The following EPC1 variants were observed in gnomAD, a reference collection of about 807,000 sequenced individuals.
EPC1 encodes enhancer of polycomb 1.
EPC1 carries 12 observed loss-of-function variants against 98.4 expected under a neutral mutation model. The ratio of observed to expected loss-of-function variants is 0.12; its 90% CI spans 0.08 to 0.20. EPC1 has a LOEUF of 0.20. Among genes scored for constraint, EPC1 ranks in the 10% least tolerant of loss-of-function variants. The probability of loss-of-function intolerance (pLI) is 1.00; values close to 1 mark genes in which losing one functional copy is unlikely to be tolerated. For synonymous variants in EPC1, 357 were observed against 363.9 expected, an observed-to-expected ratio of 0.98 and a Z score of 0.21; for missense variants, 729 against 990.5, an observed-to-expected ratio of 0.74 and a Z score of 3.54.
At chr10:32,290,997 G>A (rs916057866) in intron 6 of EPC1, among the ~76,000 whole-genome samples, 166 bp downstream of exon 6, 1 of 151,986 alleles carries the variant, frequency 6.6e-6, no homozygotes, top group African/African-American at 2.4e-5. Context: ...GGCTGGTCCC[G>A]AACTCCTGAC....
intron 1 of EPC1, among the ~76,000 whole-genome samples, chr10:32,340,954 A>T (rs1489295055): frequency 6.6e-6 from 1 of 152,208 alleles, no homozygotes; most frequent in Non-Finnish European, 1.5e-5. Context: ...GTCACACTTC[A>T]GTGTTCCAAA....
intron 1 of EPC1, among the ~76,000 whole-genome samples, chr10:32,339,548 GTAATAA>G (rs201176757): frequency 6.6e-5 from 10 of 151,900 alleles, no homozygotes; most frequent in Admixed American, 2.0e-4. Context: ...TCTCTCAATA[GTAATAA>G]TAATAATAAC....
At chr10:32,328,406 A>G (rs1411903492) in intron 1 of EPC1, among the ~76,000 whole-genome samples, 1 of 152,228 alleles carries the variant, frequency 6.6e-6, no homozygotes, top group Non-Finnish European at 1.5e-5. Context: ...TTTTAGACAC[A>G]TTACAAGCTT....
At chr10:32,375,860 A>G (rs958473176) in intron 1 of EPC1, among the ~76,000 whole-genome samples, 1 of 152,040 alleles carries the variant, frequency 6.6e-6, no homozygotes, top group African/African-American at 2.4e-5. Context: ...TTAGTTCTCT[A>G]TCTGCTAAAT....
At chr10:32,316,176 C>T (rs2132875877) in intron 1 of EPC1, among the ~76,000 whole-genome samples, 1 of 152,232 alleles carries the variant, frequency 6.6e-6, no homozygotes, top group African/African-American at 2.4e-5. Context: ...AGCAGAATGG[C>T]TAAAATAGAA....
At chr10:32,324,347 G>A (rs1374941187) in intron 1 of EPC1, among the ~76,000 whole-genome samples, 1 of 151,186 alleles carries the variant, frequency 6.6e-6, no homozygotes, top group Non-Finnish European at 1.5e-5. Context: ...CCTGAGGTCA[G>A]GAGTTCCAGA....
At chr10:32,344,475 T>C (rs1031343750) in intron 1 of EPC1, among the ~76,000 whole-genome samples, 3 of 152,170 alleles carry the variant, frequency 2.0e-5, no homozygotes, top group East Asian at 1.9e-4. Flanking sequence ...AAACTATTGA[T>C]AGCCACTGCA....
At chr10:32,361,655 T>A (rs1208197470) in intron 1 of EPC1, among the ~76,000 whole-genome samples, 5 of 152,224 alleles carry the variant, frequency 3.3e-5, no homozygotes, top group African/African-American at 1.2e-4. Flanking sequence ...TTCATCTATG[T>A]GCTTCCAAGC....
At chr10:32,378,657 C>T (rs1839919112) in exon 1 of EPC1, 1 of 493,854 alleles carries the variant, frequency 2.0e-6, no homozygotes, top group Non-Finnish European at 3.6e-6. Context: ...TGATCGGTGG[C>T]CGAATGGGGT....
intron 1 of EPC1, among the ~76,000 whole-genome samples, chr10:32,307,648 G>A (rs1835952284): frequency 6.6e-6 from 1 of 152,174 alleles, no homozygotes; most frequent in South Asian, 2.1e-4. Context: ...GGAAAACAGT[G>A]TCACTAAACA....
At chr10:32,343,011 CTTAAAG>C (rs1341355672) in intron 1 of EPC1, among the ~76,000 whole-genome samples, 2 of 152,126 alleles carry the variant, frequency 1.3e-5, no homozygotes, top group African/African-American at 4.8e-5. Context: ...AAATTATAAT[CTTAAAG>C]TTAACATTGT....
At chr10:32,327,695 G>A (rs115841228) in intron 1 of EPC1, among the ~76,000 whole-genome samples, 2,759 of 152,234 alleles carry the variant, frequency 0.018, 82 homozygotes, top group African/African-American at 0.062. Flanking sequence ...AGGCTATATG[G>A]TATAGCTTAC....
In EPC1 at chr10:32,271,554, C is replaced by G. The variant is rs779154483; in HGVS notation, c.2369G>C (p.Arg790Thr). ...ATGTTAGGCAAAAATAACTACTCAC[C>G]TTGGAACTGAATCTACAGAGGATGA... is the stretch of plus-strand genomic sequence containing the variant. ...PSSSSVDSVP[R>T]ENHESEKPAL... Residue 790 changes from arginine (R) to threonine (T), a missense_variant and splice_region_variant, in exon 13 of 14, where the codon AGG (arginine) becomes ACG (threonine). Around this residue, in one of 6 missense-constraint regions of EPC1, gnomAD observed 156 missense variants for 188.9 expected, o/e 0.83. Transcript: ENST00000319778. 9 of 1,612,594 alleles carry G rather than the reference C, an allele frequency of 5.6e-6. No homozygotes were observed. Among genetic ancestry groups the G allele is most frequent in the Non-Finnish European group, 7.6e-6 (9 of 1,178,824 alleles).
chr10:32,292,733 G>A (rs1834923602), intron 4 of EPC1, 89 bp from the exon 5 acceptor site: 3 of 1,282,144 alleles, frequency 2.3e-6, no homozygotes, highest in Non-Finnish European at 1.1e-6. Flanking sequence ...ATATTTGAAG[G>A]GTTAAATTAG....
At position 32,309,493 on chromosome 10, in the gene EPC1, C is replaced by CTT. The variant is rs67775039; in HGVS notation, c.154-3564_154-3563dup. Among the ~76,000 whole-genome samples the CTT allele has an allele frequency of 1.6e-3, 227 of 142,294 alleles. 1 individual carries two copies. The highest frequency in any genetic ancestry group is 7.3e-3 in the Middle Eastern group (2 of 274). The allele number at this position is 142,294 out of a possible 152,430, so 93.4% of individuals were successfully genotyped here. A position where few individuals can be genotyped will look rare whatever the true frequency, so the allele number is the denominator to read the frequency against. Reference sequence around the variant, plus strand: ...ACTTGCAACTGGGAGTATTTTCAAGCTTTTTTTTTTTTTTCTTTTCCCATT... The same window carrying CTT: ...ACTTGCAACTGGGAGTATTTTCAAGCTTTTTTTTTTTTTTTTCTTTTCCCATT... On this transcript the variant is annotated intron_variant, in intron 1 of 13. Transcript: ENST00000319778.
intron 1 of EPC1, among the ~76,000 whole-genome samples, chr10:32,342,527 G>T (rs34849792): frequency 0.11 from 16,239 of 152,210 alleles, 953 homozygotes; most frequent in Admixed American, 0.13. Context: ...ATACAGAAAA[G>T]GTGGGAGTAT....
intron 6 of EPC1, among the ~76,000 whole-genome samples, chr10:32,289,925 T>C (rs1464749380): frequency 1.3e-5 from 2 of 151,994 alleles, no homozygotes; most frequent in African/African-American, 4.8e-5. Context: ...TGCCCGGCCA[T>C]GAAAAATTTC....
chr10:32,339,347 A>G (rs2133020403), intron 1 of EPC1, among the ~76,000 whole-genome samples: 1 of 152,274 alleles, frequency 6.6e-6, no homozygotes, highest in African/African-American at 2.4e-5. Flanking sequence ...AAGGCCTTAC[A>G]TCTAGTAACT....
At chr10:32,305,572 T>A (rs962241990) in intron 2 of EPC1, among the ~76,000 whole-genome samples, 200 bp downstream of exon 2, 1 of 151,638 alleles carries the variant, frequency 6.6e-6, no homozygotes, top group Admixed American at 6.6e-5. Context: ...AAACAAAAAA[T>A]GTAGAATAAT....
Sources: gnomAD v4.1 joint callset for allele counts (sites outside exome capture counted in the v4.1 genomes callset) on GRCh38, gnomAD v4.1.1 for gene constraint, gnomAD v4.1.1 regional missense constraint, MANE v1.5 for transcripts, NCBI Gene and HGNC (gene_info 2026-07-23, HGNC 2026-07-21) for gene names.